BAZ2B: variants seen among roughly 807,000 people sequenced by gnomAD.
The protein encoded by BAZ2B is bromodomain adjacent to zinc finger domain 2B.
In BAZ2B, 91 loss-of-function variants were observed where a neutral mutation model predicts 246.0. The ratio of observed to expected loss-of-function variants is 0.37; its 90% CI spans 0.31 to 0.44. The LOEUF (loss-of-function observed/expected upper bound fraction) is 0.44. Ranked by LOEUF, BAZ2B falls within the 20% of genes least tolerant of loss-of-function variation. The pLI, the probability that BAZ2B is intolerant of heterozygous loss-of-function variation, is 1.00. For missense variants in BAZ2B, 2,332 were observed against 2,533.7 expected, an observed-to-expected ratio of 0.92 and a Z score of 1.71; for synonymous variants, 855 against 860.0, an observed-to-expected ratio of 0.99 and a Z score of 0.10.
chr2:159,342,939 C>A (rs1454320258), intron 31 of BAZ2B, among the ~76,000 whole-genome samples: 2 of 152,142 alleles, frequency 1.3e-5, no homozygotes, highest in Non-Finnish European at 2.9e-5. Context: ...TGTGGAATTA[C>A]AAAAGACTGA....
chr2:159,611,004 A>C (rs1037892433), intron 1 of BAZ2B, among the ~76,000 whole-genome samples: 8 of 152,032 alleles, frequency 5.3e-5, no homozygotes, highest in African/African-American at 1.9e-4. Context: ...TCCTGTTTTC[A>C]ATAAACATGT....
chr2:159,515,493 A>G (rs540509325), intron 2 of BAZ2B, among the ~76,000 whole-genome samples: 31 of 152,198 alleles, frequency 2.0e-4, no homozygotes, highest in African/African-American at 7.5e-4. Flanking sequence ...CATAAATTTT[A>G]TTTATCTGTC....
chr2:159,689,764 T>C, the BAZ2B span: 4 of 501,424 alleles, frequency 8.0e-6, no homozygotes, highest in Admixed American at 8.8e-5. Flanking sequence ...CTGGAATCAA[T>C]TTATTGACCA....
At chr2:159,383,551 T>G in intron 24 of BAZ2B, 55 bp downstream of exon 24, 1 of 1,435,118 alleles carries the variant, frequency 7.0e-7, no homozygotes, top group Non-Finnish European at 9.7e-7. Context: ...TATGCTTTAC[T>G]GGGAATTTGT....
At chr2:159,637,600 T>C in the BAZ2B span, among the ~76,000 whole-genome samples, 1 of 152,192 alleles carries the variant, frequency 6.6e-6, no homozygotes, top group East Asian at 1.9e-4. Flanking sequence ...CTCTGTCACC[T>C]AGGCTGGAGT....
At chr2:159,673,974 TTA>T in the BAZ2B span, among the ~76,000 whole-genome samples, 1 of 152,172 alleles carries the variant, frequency 6.6e-6, no homozygotes, top group African/African-American at 2.4e-5. Flanking sequence ...ATTTCATTGA[TTA>T]CATATTTTTG....
At chr2:159,502,163 G>A (rs888826967) in intron 2 of BAZ2B, among the ~76,000 whole-genome samples, 11 of 152,094 alleles carry the variant, frequency 7.2e-5, no homozygotes, top group African/African-American at 2.7e-4. Context: ...TAGGTTGGGG[G>A]AAAATGAAGA....
intron 20 of BAZ2B, chr2:159,391,977 G>A (rs1165495764): frequency 1.3e-5 from 2 of 152,122 alleles, no homozygotes; most frequent in African/African-American, 4.8e-5. Flanking sequence ...AAGAGCCAGA[G>A]CTTCCAAGGT....
intron 23 of BAZ2B, 132 bp downstream of exon 23, chr2:159,385,023 A>G: frequency 1.1e-6 from 1 of 933,034 alleles, no homozygotes. Context: ...AAATACTGAG[A>G]TAAGTACAAT....
At chr2:159,509,263 T>C (rs2082655871) in intron 2 of BAZ2B, among the ~76,000 whole-genome samples, 1 of 152,192 alleles carries the variant, frequency 6.6e-6, no homozygotes. Context: ...AACTAATAGA[T>C]ATCTTAAAAA....
intron 34 of BAZ2B, among the ~76,000 whole-genome samples, chr2:159,331,993 A>G (rs761829452): frequency 1.2e-4 from 18 of 152,132 alleles, no homozygotes; most frequent in Non-Finnish European, 2.5e-4. Context: ...GGAAGAAAGG[A>G]GGTGGACAGA....
At chr2:159,393,805 AG>A (rs779535914) in intron 20 of BAZ2B, among the ~76,000 whole-genome samples, 28 of 152,124 alleles carry the variant, frequency 1.8e-4, no homozygotes, top group Non-Finnish European at 3.5e-4. Context: ...CATTTTCATC[AG>A]CTGTATTTAT....
At chr2:159,552,198 C>A (rs2088361207) in intron 2 of BAZ2B, among the ~76,000 whole-genome samples, 3 of 152,142 alleles carry the variant, frequency 2.0e-5, no homozygotes, top group Admixed American at 2.0e-4. Context: ...TTCTCTGACT[C>A]CCTTTTCCTC....
At chr2:159,563,880 T>G (rs2090112475) in intron 1 of BAZ2B, among the ~76,000 whole-genome samples, 2 of 152,250 alleles carry the variant, frequency 1.3e-5, no homozygotes, top group Admixed American at 1.3e-4. Flanking sequence ...AAGCCAATTT[T>G]AACATTCTCT....
At chr2:159,662,468 G>A in the BAZ2B span, among the ~76,000 whole-genome samples, 2 of 152,146 alleles carry the variant, frequency 1.3e-5, no homozygotes, top group African/African-American at 4.8e-5. Flanking sequence ...CACCATATGA[G>A]AGGTTCCAAT....
intron 33 of BAZ2B, among the ~76,000 whole-genome samples, chr2:159,336,483 T>C (rs540262316): frequency 6.6e-6 from 1 of 152,334 alleles, no homozygotes; most frequent in Admixed American, 6.5e-5. Context: ...AAATACATGA[T>C]ATAAGCACAT....
At chr2:159,660,565 C>T in the BAZ2B span, among the ~76,000 whole-genome samples, 3 of 152,110 alleles carry the variant, frequency 2.0e-5, no homozygotes, top group Non-Finnish European at 4.4e-5. Context: ...ATTTTTCTCT[C>T]CCATAAGCAG....
chr2:159,623,640 G>C, the BAZ2B span, among the ~76,000 whole-genome samples: 2 of 152,022 alleles, frequency 1.3e-5, no homozygotes, highest in African/African-American at 4.8e-5. Context: ...TCTTTTTGGA[G>C]TACAAAATGG....
the BAZ2B span, among the ~76,000 whole-genome samples, chr2:159,656,915 T>C: frequency 2.0e-5 from 3 of 152,168 alleles, 1 homozygote; most frequent in Middle Eastern, 6.3e-3. Context: ...ATTTTGCAAA[T>C]ATTTTCTCCC....
Sources: allele counts gnomAD v4.1 joint callset (sites outside exome capture counted in the v4.1 genomes callset), GRCh38; gene constraint gnomAD v4.1.1; transcripts MANE v1.5; gene names NCBI Gene and HGNC (gene_info 2026-07-23, HGNC 2026-07-21).